The following BTBD16 variants were observed in gnomAD, a reference collection of about 807,000 sequenced individuals.
BTBD16 encodes BTB domain containing 16, also known as BTB/POZ domain-containing protein 16.
A neutral mutation model predicts 67.4 loss-of-function variants in BTBD16; 66 were observed. The observed-to-expected ratio is 0.98, with a 90% CI of 0.80 to 1.20. BTBD16 has a LOEUF of 1.20. Among genes scored for constraint, BTBD16 ranks in the 50% most tolerant of loss-of-function variants. BTBD16 has a pLI of 0.00. For missense variants in BTBD16, 634 were observed against 616.0 expected, an observed-to-expected ratio of 1.03 and a Z score of -0.31; for synonymous variants, 242 against 236.4, an observed-to-expected ratio of 1.02 and a Z score of -0.22.
rs780269248 is a variant in BTBD16 at position 122,334,898 on chromosome 10, G to GA, written c.1186dup (p.Thr396AsnfsTer10). Reference sequence around the variant, plus strand: ...CAATTTAGGAGAATACAACTTATTCGAAAACGATTGCTCTATATGGATTCT... The same window carrying GA: ...CAATTTAGGAGAATACAACTTATTCGAAAAACGATTGCTCTATATGGATTCT... On this transcript the variant is annotated frameshift_variant, in exon 14 of 16. Transcript: ENST00000260723. LOFTEE classifies it high-confidence loss of function. 20 of 1,564,494 alleles carry GA rather than the reference G, an allele frequency of 1.3e-5. No homozygotes were observed. In the East Asian group the frequency reaches 4.5e-4, roughly 35 times the overall value.
chr10:122,282,214 A>G (rs2142052195), intron 3 of BTBD16, among the ~76,000 whole-genome samples: 1 of 152,302 alleles, frequency 6.6e-6, no homozygotes, highest in African/African-American at 2.4e-5. Flanking sequence ...CTGTGGCTCC[A>G]TTTTGGGATC....
At chr10:122,311,302 G>T (rs1169464895) in intron 10 of BTBD16, among the ~76,000 whole-genome samples, 1 of 152,052 alleles carries the variant, frequency 6.6e-6, no homozygotes, top group Non-Finnish European at 1.5e-5. Flanking sequence ...ACGCACGGTC[G>T]TGTGTGGCTT....
chr10:122,334,713 G>A (rs2096460789), intron 13 of BTBD16, among the ~76,000 whole-genome samples, 168 bp from the exon 14 acceptor site: 1 of 147,110 alleles, frequency 6.8e-6, no homozygotes, highest in Non-Finnish European at 1.5e-5. Context: ...GTAGAGATGG[G>A]GTTTTGCCAC....
At chr10:122,313,269 TTG>T (rs1163235143) in intron 10 of BTBD16, among the ~76,000 whole-genome samples, 4 of 115,896 alleles carry the variant, frequency 3.5e-5, no homozygotes, top group African/African-American at 7.3e-5. Flanking sequence ...TTTTTTTTTT[TTG>T]TTTTTTTTTT....
rs767771024 is a variant in BTBD16 at position 122,299,148 on chromosome 10, C to A, written c.791+14C>A. 18 of 1,612,562 alleles carry A rather than the reference C, an allele frequency of 1.1e-5. No homozygotes were observed. In the African/African-American group the frequency reaches 2.4e-4, roughly 22 times the overall value. On this transcript the variant is annotated intron_variant, in intron 9 of 15. Transcript: ENST00000260723. The stretch of plus-strand genomic sequence containing the variant: ...GAAGTCCCCCAGGTCAGAGCTGGCT[C>A]CCAGGGTGCGGCCCCTGAGAGGGGG...
intron 7 of BTBD16, chr10:122,295,262 G>C: frequency 1.0e-6 from 1 of 972,904 alleles, no homozygotes; most frequent in Non-Finnish European, 1.2e-6. Context: ...CTTCCAAGAG[G>C]AGGTGGTGCT....
chr10:122,332,651 C>T, intron 13 of BTBD16, 138 bp downstream of exon 13: 1 of 1,047,074 alleles, frequency 9.6e-7, no homozygotes, highest in Middle Eastern at 2.6e-4. Context: ...ACAGGTGTCT[C>T]TCCTGCATGG....
intron 9 of BTBD16, among the ~76,000 whole-genome samples, chr10:122,305,371 G>A (rs902250117): frequency 6.6e-6 from 1 of 152,186 alleles, no homozygotes; most frequent in Non-Finnish European, 1.5e-5. Flanking sequence ...ATTGGATCAT[G>A]GTGGTGGATT....
intron 6 of BTBD16, among the ~76,000 whole-genome samples, chr10:122,290,677 A>T (rs1260921722): frequency 6.6e-6 from 1 of 152,112 alleles, no homozygotes; most frequent in Non-Finnish European, 1.5e-5. Context: ...GGAAGTCCCC[A>T]GACTCCAAGG....
chr10:122,332,966 CT>C (rs1565034115), intron 13 of BTBD16: 1 of 985,216 alleles, frequency 1.0e-6, no homozygotes, highest in East Asian at 1.1e-4. Context: ...CAGAATAAAA[CT>C]GCAGTGGGTC....
At chr10:122,285,379 C>A (rs1162205871) in intron 4 of BTBD16, among the ~76,000 whole-genome samples, 1 of 152,118 alleles carries the variant, frequency 6.6e-6, no homozygotes, top group East Asian at 1.9e-4. Flanking sequence ...TTAGATGCCC[C>A]TGAAGAAAGT....
chr10:122,336,950 T>A (rs560932152), intron 15 of BTBD16, among the ~76,000 whole-genome samples: 2 of 152,164 alleles, frequency 1.3e-5, no homozygotes, highest in Admixed American at 1.3e-4. Flanking sequence ...CATCAAAGGG[T>A]ATTTTTTTTT....
At position 122,283,580 on chromosome 10, in the gene BTBD16, A is replaced by T. The variant is rs985658477; in HGVS notation, c.168-271A>T. Among the ~76,000 whole-genome samples, 8 of 152,346 alleles carry T rather than the reference A, an allele frequency of 5.3e-5. No individual in the cohort carries two copies. The South Asian group carries it at 1.2e-3, about 24-fold the overall frequency. On this transcript the variant is annotated intron_variant, in intron 3 of 15. Transcript: ENST00000260723. ...TGTTTTAGACACTGAATAAGGTGTC[A>T]TTCAGGCAGCCAATTATGGCCTGAA... is the stretch of plus-strand genomic sequence containing the variant.
At position 122,307,129 on chromosome 10, in the gene BTBD16, C is replaced by T; in HGVS notation, c.792-60C>T. 3 of 1,538,944 alleles carry T rather than the reference C, an allele frequency of 1.9e-6. No individual in the cohort carries two copies. In the South Asian group the frequency reaches 3.9e-5, roughly 20 times the overall value. On this transcript the variant is annotated intron_variant, in intron 9 of 15. Transcript: ENST00000260723. ...CAAACTCATTCTAACCAGCTTCTTA[C>T]AAGCAGCGTGATTTTGTGCTATTTC...
At chr10:122,288,553 A>C (rs2096367956) in intron 5 of BTBD16, among the ~76,000 whole-genome samples, 1 of 151,678 alleles carries the variant, frequency 6.6e-6, no homozygotes, top group African/African-American at 2.4e-5. Context: ...CATTCAGCTG[A>C]TATTTACTAG....
chr10:122,307,660 A>G (rs1474892362), intron 10 of BTBD16, among the ~76,000 whole-genome samples: 2 of 152,172 alleles, frequency 1.3e-5, no homozygotes, highest in African/African-American at 4.8e-5. Context: ...CTTAGGTTGA[A>G]TAAAACTCAC....
intron 10 of BTBD16, among the ~76,000 whole-genome samples, chr10:122,311,002 C>T (rs968188677): frequency 3.2e-5 from 4 of 125,462 alleles, no homozygotes; most frequent in Admixed American, 2.3e-4. Flanking sequence ...CAGCAGTGTC[C>T]GGAAGACAGG....
At chr10:122,296,788 A>T (rs973298184) in intron 7 of BTBD16, among the ~76,000 whole-genome samples, 18 of 152,190 alleles carry the variant, frequency 1.2e-4, no homozygotes, top group African/African-American at 4.3e-4. Context: ...GACTTCCAAG[A>T]GGAGGTGATG....
At chr10:122,318,035 T>C (rs2096429155) in intron 10 of BTBD16, among the ~76,000 whole-genome samples, 1 of 152,150 alleles carries the variant, frequency 6.6e-6, no homozygotes, top group Admixed American at 6.5e-5. Flanking sequence ...AGACGCACAG[T>C]AGGGTTTTTT....
Sources: allele counts gnomAD v4.1 joint callset (sites outside exome capture counted in the v4.1 genomes callset), GRCh38; gene constraint gnomAD v4.1.1; transcripts MANE v1.5; gene names NCBI Gene and HGNC (gene_info 2026-07-23, HGNC 2026-07-21).